The following EIF4B variants were observed in gnomAD, a reference collection of about 807,000 sequenced individuals.
EIF4B encodes eukaryotic translation initiation factor 4B.
A neutral mutation model predicts 79.3 loss-of-function variants in EIF4B; 8 were observed. That is an observed-to-expected ratio of 0.10 (90% CI 0.06 to 0.18). The LOEUF (loss-of-function observed/expected upper bound fraction) is 0.18. Ranked by LOEUF, EIF4B falls within the 10% of genes least tolerant of loss-of-function variation. EIF4B has a pLI of 1.00. For synonymous variants in EIF4B, 238 were observed against 274.7 expected (o/e 0.87, Z 1.32); for missense variants, 515 against 792.4 (o/e 0.65, Z 4.20).
chr12:53,017,252 CAA>C (rs57053490), intron 2 of EIF4B, among the ~76,000 whole-genome samples: 115,299 of 143,072 alleles, frequency 0.81, 47,683 homozygotes, highest in Non-Finnish European at 0.92. Flanking sequence ...GACTCCATCT[CAA>C]AAAAAAAAAA....
chr12:53,032,673 T>G (rs979841788), intron 8 of EIF4B, among the ~76,000 whole-genome samples: 10 of 151,354 alleles, frequency 6.6e-5, no homozygotes, highest in Non-Finnish European at 8.8e-5. Context: ...TTTTTTGTTT[T>G]TTTTTTTTTT....
At chr12:53,032,031 T>A (rs1310939691) in intron 8 of EIF4B, among the ~76,000 whole-genome samples, 1 of 123,842 alleles carries the variant, frequency 8.1e-6, no homozygotes, top group African/African-American at 2.7e-5. Context: ...TTCTGACAAC[T>A]TGAATTGAGG....
chr12:53,028,081 A>T lies in EIF4B; in HGVS notation c.872A>T (p.Tyr291Phe). Reference protein sequence around the residue: ...FGSGYRRDDDYRGGGDRYEDR... With the variant: ...FGSGYRRDDDFRGGGDRYEDR... ...AGTGGGTATCGCAGGGATGATGACT[A>T]CAGAGGAGGCGGGGACCGCTATGAA... Residue 291 changes from tyrosine to phenylalanine, a missense_variant, in exon 8 of 15, where the codon TAC (tyrosine) becomes TTC (phenylalanine). Physicochemically the swap from Tyr to Phe is conservative, Grantham distance 22. Around this residue, in one of 6 missense-constraint regions of EIF4B, gnomAD observed 187 missense variants for 256.5 expected, o/e 0.73. Transcript: ENST00000262056. 1.2e-6 allele frequency: 2 copies of T among 1,614,048 alleles called. No individual in the cohort carries two copies. Among genetic ancestry groups the T allele is most frequent in the Non-Finnish European group, 1.7e-6 (2 of 1,179,958 alleles).
intron 4 of EIF4B, 107 bp from the exon 5 acceptor site, chr12:53,021,699 T>C (rs1330082247): frequency 7.6e-7 from 1 of 1,308,872 alleles, no homozygotes; most frequent in Non-Finnish European, 1.1e-6. Context: ...TGTTTTCCTT[T>C]ATCTTCCTTC....
chr12:53,008,153 C>A, intron 1 of EIF4B, among the ~76,000 whole-genome samples: 1 of 152,114 alleles, frequency 6.6e-6, no homozygotes, highest in Non-Finnish European at 1.5e-5. Flanking sequence ...AGTTTAGTAT[C>A]GTAATTTAGT....
At position 53,037,512 on chromosome 12, in the gene EIF4B, C is replaced by G; in HGVS notation, c.1410C>G (p.Pro470=). ...CTAAACCTCCCAAACCTGATCAGCC[C>G]CTAAAGGTAATGCCAGCCCCTCCAC... The part of the protein sequence containing the change: ...PTSKPPKPDQ[P]LKVMPAPPPK... The change falls in exon 11 of 15, where the codon CCC becomes CCG. Residue 470 remains proline (P), a synonymous_variant. Transcript: ENST00000262056. 1 of 1,613,806 alleles carries G rather than the reference C, an allele frequency of 6.2e-7. No individual in the cohort carries two copies. The highest frequency in any genetic ancestry group is 8.5e-7 in the Non-Finnish European group (1 of 1,179,806).
intron 1 of EIF4B, among the ~76,000 whole-genome samples, chr12:53,016,047 C>A (rs1449866537): frequency 6.6e-6 from 1 of 151,102 alleles, no homozygotes; most frequent in Non-Finnish European, 1.5e-5. Flanking sequence ...TCAAAACAGT[C>A]TTCAAAACTG....
chr12:53,018,730 T>TC, intron 2 of EIF4B, 68 bp from the exon 3 acceptor site: 2 of 1,568,440 alleles, frequency 1.3e-6, no homozygotes, highest in Non-Finnish European at 1.7e-6. Flanking sequence ...TTAACATGGG[T>TC]CCTCTTGTTC....
intron 11 of EIF4B, 34 bp from the exon 12 acceptor site, chr12:53,038,322 A>T: frequency 3.9e-6 from 6 of 1,551,624 alleles, no homozygotes; most frequent in Non-Finnish European, 5.2e-6. Context: ...TCCCTGAAAC[A>T]ACTGATGAAT....
At chr12:53,030,372 A>C (rs1943413282) in intron 8 of EIF4B, among the ~76,000 whole-genome samples, 1 of 148,928 alleles carries the variant, frequency 6.7e-6, no homozygotes, top group Non-Finnish European at 1.5e-5. Flanking sequence ...ACCCCATCTA[A>C]AAAATAATAA....
rs1943634209 is a variant in EIF4B at position 53,041,367 on chromosome 12, T to C, written c.*1144T>C. 1 of 152,190 alleles carries C rather than the reference T, an allele frequency of 6.6e-6. No homozygotes were observed. Among genetic ancestry groups the C allele is most frequent in the South Asian group, 2.1e-4 (1 of 4,834 alleles). The allele number at this position is 152,190 out of a possible 1,614,324, so 9.4% of individuals were successfully genotyped here. ...TGGATGGTCTTGGATGATGGATAAA[T>C]AGGGACAGGGACAGTTAAATTGGGA... On this transcript the variant is annotated 3_prime_UTR_variant, in exon 15 of 15. Transcript: ENST00000262056.
At chr12:53,011,346 G>A (rs141103654) in intron 1 of EIF4B, among the ~76,000 whole-genome samples, 1 of 152,162 alleles carries the variant, frequency 6.6e-6, no homozygotes, top group African/African-American at 2.4e-5. Flanking sequence ...CACCCCCAAA[G>A]AAAAGTCCTT....
At chr12:53,008,518 A>G (rs1369248242) in intron 1 of EIF4B, 1 of 152,228 alleles carries the variant, frequency 6.6e-6, no homozygotes, top group East Asian at 1.9e-4. Context: ...AATGGATGTT[A>G]TGTGTTCTGT....
In EIF4B at chr12:53,028,073, T is replaced by C. The variant is rs769370412; in HGVS notation, c.864T>C (p.Asp288=). The change falls in exon 8 of 15, where the codon GAT becomes GAC. Residue 288 remains aspartate (D), a synonymous_variant. Transcript: ENST00000262056. ...RRAFGSGYRR[D]DDYRGGGDRY... is the part of the protein sequence containing the mutation. ...CATTTGGCAGTGGGTATCGCAGGGA[T>C]GATGACTACAGAGGAGGCGGGGACC... The C allele has an allele frequency of 1.2e-5, 19 of 1,613,856 alleles. No individual in the cohort carries two copies. Among genetic ancestry groups the C allele is most frequent in the Non-Finnish European group, 1.5e-5 (18 of 1,179,918 alleles).
chr12:53,017,050 C>T (rs2120906436), intron 2 of EIF4B, among the ~76,000 whole-genome samples: 2 of 152,188 alleles, frequency 1.3e-5, no homozygotes, highest in Middle Eastern at 6.8e-3. Flanking sequence ...ATGAGAAGTT[C>T]AAGACCAGCC....
intron 10 of EIF4B, among the ~76,000 whole-genome samples, chr12:53,036,239 A>G (rs1351760443): frequency 1.3e-5 from 2 of 151,966 alleles, no homozygotes; most frequent in Non-Finnish European, 2.9e-5. Flanking sequence ...AAGCCTCCCG[A>G]GTAGCTGGGA....
chr12:53,031,122 G>A (rs1277426117), intron 8 of EIF4B, among the ~76,000 whole-genome samples: 1 of 152,104 alleles, frequency 6.6e-6, no homozygotes, highest in Middle Eastern at 3.4e-3. Context: ...TTCTTGCTCC[G>A]TTCTTCACAT....
At chr12:53,028,255 G>C (rs2120949800) in intron 8 of EIF4B, 67 bp downstream of exon 8, 1 of 1,519,462 alleles carries the variant, frequency 6.6e-7, no homozygotes, top group Non-Finnish European at 8.8e-7. Context: ...ATTTGTGATT[G>C]TGTTACGAAC....
chr12:53,034,395 T>C (rs1943501657), intron 9 of EIF4B, among the ~76,000 whole-genome samples: 1 of 152,268 alleles, frequency 6.6e-6, no homozygotes, highest in Non-Finnish European at 1.5e-5. Flanking sequence ...TTATGTAGGA[T>C]ACTGTTCTTA....
Sources: gnomAD v4.1 joint callset for allele counts (sites outside exome capture counted in the v4.1 genomes callset) on GRCh38, gnomAD v4.1.1 for gene constraint, gnomAD v4.1.1 regional missense constraint, MANE v1.5 for transcripts, NCBI Gene and HGNC (gene_info 2026-07-23, HGNC 2026-07-21) for gene names.